TMEM131L: variants seen among roughly 807,000 people sequenced by gnomAD.
The protein encoded by TMEM131L is transmembrane protein 131-like.
A neutral mutation model predicts 192.2 loss-of-function variants in TMEM131L; 54 were observed. The ratio of observed to expected loss-of-function variants is 0.28; its 90% CI spans 0.23 to 0.35. The LOEUF (loss-of-function observed/expected upper bound fraction) is 0.35. TMEM131L is among the 10% of genes least tolerant of loss of function. The probability of loss-of-function intolerance (pLI) is 1.00; values close to 1 mark genes in which losing one functional copy is unlikely to be tolerated. For missense variants in TMEM131L, 1,888 were observed against 1,972.9 expected (o/e 0.96, Z 0.82); for synonymous variants, 701 against 704.9 (o/e 0.99, Z 0.09).
intron 3 of TMEM131L, among the ~76,000 whole-genome samples, chr4:153,502,589 G>A (rs1733694866): frequency 6.6e-6 from 1 of 152,220 alleles, no homozygotes; most frequent in Non-Finnish European, 1.5e-5. Flanking sequence ...ATGGCTGAAT[G>A]TGCATTGAAA....
chr4:153,572,864 C>A (rs1258513287), intron 7 of TMEM131L, among the ~76,000 whole-genome samples: 1 of 152,190 alleles, frequency 6.6e-6, no homozygotes, highest in African/African-American at 2.4e-5. Flanking sequence ...CACCTTCCCT[C>A]AGCCACCATT....
chr4:153,556,042 T>G, intron 5 of TMEM131L, 132 bp downstream of exon 5: 1 of 816,356 alleles, frequency 1.2e-6, no homozygotes, highest in South Asian at 2.5e-5. Context: ...TTTCCTTCTG[T>G]GTGTTTACCT....
intron 7 of TMEM131L, among the ~76,000 whole-genome samples, chr4:153,570,307 C>G (rs965796413): frequency 1.3e-5 from 2 of 152,170 alleles, no homozygotes; most frequent in East Asian, 3.9e-4. Flanking sequence ...CCTAGTACTT[C>G]GATTTACCAA....
At chr4:153,596,177 G>A in intron 19 of TMEM131L, 81 bp from the exon 20 acceptor site, 4 of 1,507,474 alleles carry the variant, frequency 2.7e-6, no homozygotes, top group Non-Finnish European at 3.6e-6. Context: ...AAGCAATCGT[G>A]TTTAAACTCT....
intron 17 of TMEM131L, among the ~76,000 whole-genome samples, chr4:153,591,859 A>G (rs764143328): frequency 3.9e-5 from 6 of 152,168 alleles, no homozygotes; most frequent in Admixed American, 2.6e-4. Flanking sequence ...AGCTCCCAAA[A>G]AGAAAATCAG....
At chr4:153,591,418 C>T (rs1731058584) in intron 17 of TMEM131L, among the ~76,000 whole-genome samples, 1 of 152,192 alleles carries the variant, frequency 6.6e-6, no homozygotes, top group South Asian at 2.1e-4. Context: ...TAAGAAAGTA[C>T]TCAACTGCAA....
intron 3 of TMEM131L, among the ~76,000 whole-genome samples, chr4:153,475,998 G>C (rs1382587861): frequency 2.0e-5 from 3 of 152,110 alleles, no homozygotes; most frequent in South Asian, 2.1e-4. Flanking sequence ...TCACTCTGTT[G>C]CCCAGGCTGG....
At chr4:153,632,076 G>A (rs965966808) in intron 31 of TMEM131L, among the ~76,000 whole-genome samples, 12 of 152,228 alleles carry the variant, frequency 7.9e-5, no homozygotes, top group African/African-American at 2.9e-4. Flanking sequence ...CACTTTGGGA[G>A]GCCGAGGCAG....
At chr4:153,572,626 C>T (rs1236159090) in intron 7 of TMEM131L, among the ~76,000 whole-genome samples, 5 of 152,152 alleles carry the variant, frequency 3.3e-5, no homozygotes, top group East Asian at 1.9e-4. Context: ...CCACCGCACC[C>T]GGCCCAGTTT....
chr4:153,586,790 G>A (rs569740808), intron 14 of TMEM131L, among the ~76,000 whole-genome samples: 37 of 152,206 alleles, frequency 2.4e-4, no homozygotes, highest in African/African-American at 8.4e-4. Flanking sequence ...TTAGTTGCTC[G>A]TAATCCTTGA....
At chr4:153,504,468 C>T (rs918538208) in intron 3 of TMEM131L, among the ~76,000 whole-genome samples, 16 of 150,506 alleles carry the variant, frequency 1.1e-4, no homozygotes, top group East Asian at 2.0e-4. Context: ...TTAGTAGAGA[C>T]GGGGTTTCAC....
At chr4:153,635,956 A>C (rs1053313985) in intron 34 of TMEM131L, among the ~76,000 whole-genome samples, 5 of 151,992 alleles carry the variant, frequency 3.3e-5, no homozygotes, top group Non-Finnish European at 7.4e-5. Context: ...GTGGGTGGTC[A>C]GGGTCCCAGA....
At chr4:153,490,256 T>C (rs767856132) in intron 3 of TMEM131L, among the ~76,000 whole-genome samples, 1 of 152,200 alleles carries the variant, frequency 6.6e-6, no homozygotes, top group Non-Finnish European at 1.5e-5. Context: ...GTAACTTAAT[T>C]AGCAGATTCA....
intron 3 of TMEM131L, among the ~76,000 whole-genome samples, chr4:153,483,589 A>G (rs1252619391): frequency 6.6e-6 from 1 of 152,128 alleles, no homozygotes; most frequent in African/African-American, 2.4e-5. Flanking sequence ...AGGCCCAGCT[A>G]CTCGGCAGGC....
chr4:153,570,365 A>G (rs984380552), intron 7 of TMEM131L, among the ~76,000 whole-genome samples: 4 of 152,292 alleles, frequency 2.6e-5, no homozygotes, highest in African/African-American at 9.6e-5. Flanking sequence ...TTCCGCTTGA[A>G]TTCATGCTGG....
At chr4:153,499,279 G>C (rs2149973460) in intron 3 of TMEM131L, among the ~76,000 whole-genome samples, 1 of 152,280 alleles carries the variant, frequency 6.6e-6, no homozygotes, top group East Asian at 1.9e-4. Flanking sequence ...ACATGGCCTC[G>C]GGAGGTTTGG....
chr4:153,494,443 G>A (rs1227403881), intron 3 of TMEM131L, among the ~76,000 whole-genome samples: 2 of 152,110 alleles, frequency 1.3e-5, no homozygotes, highest in Non-Finnish European at 2.9e-5. Flanking sequence ...TGTGGAGTCT[G>A]GAAGAATCTT....
At chr4:153,606,899 A>C (rs569210261) in intron 25 of TMEM131L, among the ~76,000 whole-genome samples, 2 of 152,304 alleles carry the variant, frequency 1.3e-5, no homozygotes, top group African/African-American at 4.8e-5. Flanking sequence ...GTGTCTGCAG[A>C]AGTTATATGT....
At chr4:153,556,926 G>A (rs192636711) in intron 5 of TMEM131L, 40 bp from the exon 6 acceptor site, 120 of 890,762 alleles carry the variant, frequency 1.3e-4, no homozygotes, top group Non-Finnish European at 1.2e-4. Flanking sequence ...TTTATCAAAG[G>A]AGGCCATTCC....
Sources: gnomAD v4.1 joint callset for allele counts (sites outside exome capture counted in the v4.1 genomes callset) on GRCh38, gnomAD v4.1.1 for gene constraint, MANE v1.5 for transcripts, NCBI Gene and HGNC (gene_info 2026-07-23, HGNC 2026-07-21) for gene names.